Variants in DDR2 observed in about 807,000 individuals in gnomAD.
DDR2 encodes the protein discoidin domain-containing receptor 2.
Under a neutral mutation model 94.9 loss-of-function variants are expected in DDR2, and 27 were observed. The ratio of observed to expected loss-of-function variants is 0.28; its 90% CI spans 0.21 to 0.39. DDR2 has a LOEUF of 0.39. Ranked by LOEUF, DDR2 falls within the 10% of genes least tolerant of loss-of-function variation. The pLI, the probability that DDR2 is intolerant of heterozygous loss-of-function variation, is 1.00. For synonymous variants in DDR2, 382 were observed against 377.2 expected (o/e 1.01, Z -0.15); for missense variants, 783 against 1,076.0 (o/e 0.73, Z 3.81).
chr1:162,633,601 C>T (rs1656664937), intron 1 of DDR2, among the ~76,000 whole-genome samples: 1 of 152,224 alleles, frequency 6.6e-6, no homozygotes, highest in Admixed American at 6.5e-5. Context: ...ATTCTCTCTA[C>T]TGCTAGTCCA....
At chr1:162,686,537 G>A (rs1167565761) in intron 2 of DDR2, among the ~76,000 whole-genome samples, 2 of 152,186 alleles carry the variant, frequency 1.3e-5, no homozygotes, top group Non-Finnish European at 2.9e-5. Flanking sequence ...CCCCTGCAAA[G>A]GATATGAACT....
intron 2 of DDR2, among the ~76,000 whole-genome samples, chr1:162,717,389 C>T (rs1661222588): frequency 6.6e-6 from 1 of 152,140 alleles, no homozygotes; most frequent in Non-Finnish European, 1.5e-5. Flanking sequence ...ACAGGGAATC[C>T]TTGTATATCC....
chr1:162,717,793 A>G (rs1342549419), intron 2 of DDR2, among the ~76,000 whole-genome samples: 1 of 152,214 alleles, frequency 6.6e-6, no homozygotes, highest in Non-Finnish European at 1.5e-5. Flanking sequence ...ACATACTATC[A>G]ATATGACTTA....
chr1:162,657,050 G>C (rs1215211962), intron 2 of DDR2, among the ~76,000 whole-genome samples: 3 of 151,608 alleles, frequency 2.0e-5, no homozygotes, highest in Non-Finnish European at 2.9e-5. Context: ...ATGTTGTCCA[G>C]GCTGGTCTTG....
intron 3 of DDR2, among the ~76,000 whole-genome samples, chr1:162,723,849 G>T (rs1012461575): frequency 6.6e-6 from 1 of 152,162 alleles, no homozygotes; most frequent in South Asian, 2.1e-4. Context: ...AGAGTCCTGG[G>T]GTGGGAGTCC....
intron 2 of DDR2, among the ~76,000 whole-genome samples, chr1:162,666,157 C>G (rs1658550547): frequency 6.6e-6 from 1 of 152,220 alleles, no homozygotes; most frequent in Admixed American, 6.5e-5. Context: ...CATCTTCTGA[C>G]TCAACCTCAC....
At chr1:162,647,899 C>T (rs547958317) in intron 1 of DDR2, among the ~76,000 whole-genome samples, 2 of 152,272 alleles carry the variant, frequency 1.3e-5, no homozygotes, top group East Asian at 1.9e-4. Context: ...CTTGTGCCAA[C>T]GTCCTGTCTC....
intron 1 of DDR2, among the ~76,000 whole-genome samples, chr1:162,651,863 A>G (rs1225693760): frequency 6.6e-6 from 1 of 152,156 alleles, no homozygotes; most frequent in Non-Finnish European, 1.5e-5. Flanking sequence ...CTTAGAAATA[A>G]TTTTCTGAAG....
intron 2 of DDR2, among the ~76,000 whole-genome samples, chr1:162,707,470 A>AT (rs1262229048): frequency 2.6e-5 from 4 of 151,856 alleles, no homozygotes; most frequent in Non-Finnish European, 5.9e-5. Flanking sequence ...CTTGTTTTGT[A>AT]TTTTTTCTTC....
At chr1:162,707,123 A>G (rs1360617560) in intron 2 of DDR2, among the ~76,000 whole-genome samples, 2 of 152,102 alleles carry the variant, frequency 1.3e-5, no homozygotes, top group Admixed American at 6.5e-5. Context: ...CTTCCTAGGT[A>G]TGGGGCTAGA....
At chr1:162,732,157 T>C (rs573668298) in intron 3 of DDR2, among the ~76,000 whole-genome samples, 1 of 152,328 alleles carries the variant, frequency 6.6e-6, no homozygotes, top group East Asian at 1.9e-4. Flanking sequence ...ATCCTAAAGG[T>C]CTATTCCTAA....
rs911555656 is a variant in DDR2 at position 162,755,027 on chromosome 1, G to A, written c.418-129G>A. 7 of 1,468,808 alleles carry A rather than the reference G, an allele frequency of 4.8e-6. No individual in the cohort carries two copies. The Admixed American group carries it at 1.2e-4, about 26-fold the overall frequency. 91.0% of individuals were successfully genotyped at this position (1,468,808 alleles called of 1,614,324 possible). A position where few individuals can be genotyped will look rare whatever the true frequency, so the allele number is the denominator to read the frequency against. The stretch of plus-strand genomic sequence containing the variant: ...GCAGGGAAGGAATATCAAGGCTGTG[G>A]GGAAAGCAGAGTAGATGCATTCTGC... On this transcript the variant is annotated intron_variant, in intron 5 of 17. Coordinates refer to ENST00000367921, the MANE Select transcript of DDR2 (RefSeq NM_006182.4).
intron 9 of DDR2, among the ~76,000 whole-genome samples, chr1:162,765,082 T>TA (rs1663926643): frequency 6.6e-6 from 1 of 152,176 alleles, no homozygotes; most frequent in Non-Finnish European, 1.5e-5. Flanking sequence ...CAGTGCCACT[T>TA]ACACTGTAAG....
intron 2 of DDR2, among the ~76,000 whole-genome samples, chr1:162,692,292 T>C (rs1659992879): frequency 6.6e-6 from 1 of 152,196 alleles, no homozygotes; most frequent in Non-Finnish European, 1.5e-5. Flanking sequence ...CAGAAAGCAC[T>C]GACAGAAAGG....
intron 11 of DDR2, among the ~76,000 whole-genome samples, 182 bp downstream of exon 11, chr1:162,767,541 G>C (rs977588029): frequency 6.6e-6 from 1 of 152,160 alleles, no homozygotes; most frequent in Non-Finnish European, 1.5e-5. Flanking sequence ...CTCATTTTTA[G>C]AGTGGAGATG....
intron 2 of DDR2, among the ~76,000 whole-genome samples, chr1:162,698,571 TG>T (rs1660293868): frequency 6.6e-6 from 1 of 152,140 alleles, no homozygotes; most frequent in Non-Finnish European, 1.5e-5. Flanking sequence ...CATTTCAAGC[TG>T]GGTTGAAATC....
At chr1:162,684,780 A>G (rs962409806) in intron 2 of DDR2, among the ~76,000 whole-genome samples, 1 of 151,036 alleles carries the variant, frequency 6.6e-6, no homozygotes, top group African/African-American at 2.4e-5. Context: ...AACCACATAC[A>G]CAGAGCACAG....
Position 162,755,251 on chromosome 1 carries a change from C to T in DDR2, c.513C>T (p.Asp171=), listed in dbSNP as rs1043751419. Residue 171 remains aspartate, a synonymous_variant, in exon 6 of 18, where the codon GAC becomes GAT. Transcript: ENST00000367921. The stretch of plus-strand genomic sequence containing the variant: ...TTGTCCGGTTCATTCCAGTCACCGA[C>T]CACTCCATGAATGTGTGTATGAGAG... The part of the protein sequence containing the change: ...ARFVRFIPVT[D]HSMNVCMRVE... 15 of 1,614,048 alleles carry T rather than the reference C, an allele frequency of 9.3e-6. No individual in the cohort carries two copies. The highest frequency in any genetic ancestry group is 1.3e-5 in the African/African-American group (1 of 75,026).
chr1:162,736,065 G>A (rs1179675482), intron 3 of DDR2, among the ~76,000 whole-genome samples: 1 of 152,294 alleles, frequency 6.6e-6, no homozygotes. Flanking sequence ...ATCATTACAC[G>A]TCCAGGCTGA....
Sources: gnomAD v4.1 joint callset for allele counts (sites outside exome capture counted in the v4.1 genomes callset) on GRCh38, gnomAD v4.1.1 for gene constraint, MANE v1.5 for transcripts, NCBI Gene and HGNC (gene_info 2026-07-23, HGNC 2026-07-21) for gene names.